Variants in PDCD1LG2 observed in about 807,000 individuals in gnomAD.
PDCD1LG2 encodes the protein programmed cell death 1 ligand 2, also known as B7 dendritic cell molecule.
A neutral mutation model predicts 28.2 loss-of-function variants in PDCD1LG2; 32 were observed. That is an observed-to-expected ratio of 1.13 (90% CI 0.86 to 1.52). PDCD1LG2 has a LOEUF of 1.52. Ranked by LOEUF, PDCD1LG2 falls within the 40% of genes most tolerant of loss-of-function variation. The pLI, the probability that PDCD1LG2 is intolerant of heterozygous loss-of-function variation, is 0.00. For missense variants in PDCD1LG2, 385 were observed against 323.8 expected (o/e 1.19, Z -1.45); for synonymous variants, 116 against 120.2 (o/e 0.97, Z 0.23).
intron 2 of PDCD1LG2, among the ~76,000 whole-genome samples, chr9:5,525,248 G>A (rs1311529609): frequency 1.3e-5 from 2 of 151,554 alleles, no homozygotes; most frequent in African/African-American, 2.4e-5. Context: ...ACTCAGCTGA[G>A]GCAGAAAAAT....
At chr9:5,550,674 T>G (rs1405922554) in intron 4 of PDCD1LG2, among the ~76,000 whole-genome samples, 2 of 150,894 alleles carry the variant, frequency 1.3e-5, no homozygotes, top group East Asian at 3.9e-4. Context: ...GCCTTCTGCT[T>G]CTGTCACCAC....
chr9:5,555,133 G>A (rs1816411577), intron 4 of PDCD1LG2, among the ~76,000 whole-genome samples: 1 of 152,066 alleles, frequency 6.6e-6, no homozygotes, highest in South Asian at 2.1e-4. Context: ...TGCCATTATT[G>A]GCCAGGTGCG....
chr9:5,517,301 T>C (rs976710268), intron 1 of PDCD1LG2, among the ~76,000 whole-genome samples: 2 of 152,180 alleles, frequency 1.3e-5, no homozygotes, highest in African/African-American at 2.4e-5. Context: ...CCCTTAGGGA[T>C]TGGATCTGCG....
At chr9:5,535,136 A>C in intron 3 of PDCD1LG2, 86 bp downstream of exon 3, 1,058 of 1,148,240 alleles carry the variant, frequency 9.2e-4, no homozygotes, top group Non-Finnish European at 1.1e-3. Context: ...AAGGTAGCTC[A>C]AGCAAAAACA....
intron 2 of PDCD1LG2, among the ~76,000 whole-genome samples, chr9:5,531,876 T>C (rs1325594123): frequency 6.6e-6 from 1 of 152,224 alleles, no homozygotes. Context: ...AAGTAGTAGG[T>C]AATTCTTGAA....
chr9:5,552,163 C>G (rs750634515), intron 4 of PDCD1LG2, among the ~76,000 whole-genome samples: 1 of 152,162 alleles, frequency 6.6e-6, no homozygotes, highest in Non-Finnish European at 1.5e-5. Context: ...TAAAAAGAAC[C>G]AGTGAATCAG....
In PDCD1LG2 at chr9:5,563,142, C is replaced by G. The variant is rs1474893208; in HGVS notation, c.767-20C>G. 1 of 1,584,528 alleles carries G rather than the reference C, an allele frequency of 6.3e-7. No individual in the cohort carries two copies. The highest frequency in any genetic ancestry group is 8.7e-7 in the Non-Finnish European group (1 of 1,153,866). On this transcript the variant is annotated intron_variant, in intron 5 of 6. Coordinates refer to ENST00000397747, the MANE Select transcript of PDCD1LG2 (RefSeq NM_025239.4). Reference sequence around the variant, plus strand: ...TTTTCTCATTAATCTTATTCCATTTCTGGAATTTTTCCTTTTCAGACACAA... The same window carrying G: ...TTTTCTCATTAATCTTATTCCATTTGTGGAATTTTTCCTTTTCAGACACAA...
chr9:5,567,589 C>A (rs1241069377), intron 6 of PDCD1LG2, among the ~76,000 whole-genome samples: 1 of 152,140 alleles, frequency 6.6e-6, no homozygotes, highest in Non-Finnish European at 1.5e-5. Context: ...TCCTAGCTAC[C>A]TCATTTCACA....
chr9:5,522,489 G>A (rs1820294223), intron 1 of PDCD1LG2, 44 bp from the exon 2 acceptor site: 2 of 1,486,340 alleles, frequency 1.3e-6, no homozygotes, highest in Non-Finnish European at 1.9e-6. Flanking sequence ...CAAAGACCCA[G>A]CAAAGTTTCA....
Position 5,569,244 on chromosome 9 carries a change from T to A in PDCD1LG2, c.817-710T>A, listed in dbSNP as rs2129972070. Among the ~76,000 whole-genome samples the A allele has an allele frequency of 6.6e-6, 1 of 152,248 alleles. No individual in the cohort carries two copies. The highest frequency in any genetic ancestry group is 2.4e-5 in the African/African-American group (1 of 41,530). On this transcript the variant is annotated intron_variant, in intron 6 of 6. Coordinates refer to ENST00000397747, the MANE Select transcript of PDCD1LG2 (RefSeq NM_025239.4). The surrounding 1 kb of genome is among the most constrained non-coding windows in gnomAD (Gnocchi z 4.1). The stretch of plus-strand genomic sequence containing the variant: ...GGCAAGTTTAATTTATAAAGGTGTG[T>A]GCAGCATTAAGGGAAACCAGCAAGG...
chr9:5,547,220 C>T (rs919311984), intron 3 of PDCD1LG2, among the ~76,000 whole-genome samples: 1 of 152,130 alleles, frequency 6.6e-6, no homozygotes, highest in African/African-American at 2.4e-5. Flanking sequence ...AAAGTTTGTA[C>T]CTATTTATAC....
chr9:5,553,906 C>T (rs1816385087), intron 4 of PDCD1LG2, among the ~76,000 whole-genome samples: 1 of 152,182 alleles, frequency 6.6e-6, no homozygotes, highest in South Asian at 2.1e-4. Flanking sequence ...CCCTTCCTCA[C>T]CACATGCTCT....
intron 2 of PDCD1LG2, among the ~76,000 whole-genome samples, chr9:5,526,906 A>G (rs1466202215): frequency 6.6e-6 from 1 of 152,164 alleles, no homozygotes; most frequent in African/African-American, 2.4e-5. Context: ...TTATTTAACC[A>G]CTTCCCTGTT....
intron 6 of PDCD1LG2, among the ~76,000 whole-genome samples, chr9:5,565,044 G>C (rs1347990636): frequency 6.6e-6 from 1 of 152,274 alleles, no homozygotes; most frequent in East Asian, 1.9e-4. Context: ...TTATAGGTGA[G>C]GAAGAAAAAC....
At chr9:5,528,235 CTT>C (rs1029863748) in intron 2 of PDCD1LG2, among the ~76,000 whole-genome samples, 3 of 147,334 alleles carry the variant, frequency 2.0e-5, no homozygotes, top group South Asian at 2.1e-4. Flanking sequence ...ATTTTATAAT[CTT>C]ATATATAATA....
In PDCD1LG2 at chr9:5,521,391, CAT is replaced by C. The variant is rs372075551; in HGVS notation, c.-14-1138_-14-1137del. 8.5e-4 allele frequency among the ~76,000 whole-genome samples: 130 copies of C among 152,322 alleles called. No individual in the cohort carries two copies. The Middle Eastern group carries it at 0.027, about 32-fold the overall frequency. ...TTAAATATATATACACACTTAGACACATATAACCCTCTTTCGTATATCAATTA... is the reference window on the plus strand; with the variant it reads ...TTAAATATATATACACACTTAGACACATAACCCTCTTTCGTATATCAATTA... On this transcript the variant is annotated intron_variant, in intron 1 of 6. Transcript: ENST00000397747.
At chr9:5,547,608 C>A (rs1468798468) in intron 3 of PDCD1LG2, among the ~76,000 whole-genome samples, 1 of 151,806 alleles carries the variant, frequency 6.6e-6, no homozygotes, top group African/African-American at 2.4e-5. Context: ...TTATGGGGTA[C>A]AATATGATGT....
chr9:5,564,908 T>C (rs558497815), intron 6 of PDCD1LG2, among the ~76,000 whole-genome samples: 3 of 152,246 alleles, frequency 2.0e-5, no homozygotes, highest in African/African-American at 4.8e-5. Flanking sequence ...TACTTTAAGA[T>C]ACAGTAATGA....
intron 5 of PDCD1LG2, among the ~76,000 whole-genome samples, chr9:5,559,899 A>T (rs1287393344): frequency 1.3e-5 from 2 of 152,114 alleles, no homozygotes; most frequent in African/African-American, 4.8e-5. Flanking sequence ...ACCACACAGG[A>T]TTTTCTAGTC....
Sources: gnomAD v4.1 joint callset for allele counts (sites outside exome capture counted in the v4.1 genomes callset) on GRCh38, gnomAD v4.1.1 for gene constraint, Gnocchi (gnomAD v3.1) non-coding constraint, MANE v1.5 for transcripts, NCBI Gene and HGNC (gene_info 2026-07-23, HGNC 2026-07-21) for gene names.